The following SYNJ1 variants were observed in gnomAD, a reference collection of about 807,000 sequenced individuals.
The protein encoded by SYNJ1 is polyphosphatidylinositol phosphatase SYNJ1.
In SYNJ1, 78 loss-of-function variants were observed where a neutral mutation model predicts 168.2. The ratio of observed to expected loss-of-function variants is 0.46; its 90% CI spans 0.39 to 0.56. The LOEUF (loss-of-function observed/expected upper bound fraction) is 0.56, where lower values mean the gene tolerates loss of function less well. Ranked by LOEUF, SYNJ1 falls within the 20% of genes least tolerant of loss-of-function variation. The pLI, the probability that SYNJ1 is intolerant of heterozygous loss-of-function variation, is 0.00. For missense variants in SYNJ1, 1,303 were observed against 1,597.6 expected (o/e 0.82, Z 3.14); for synonymous variants, 539 against 548.6 (o/e 0.98, Z 0.24).
chr21:32,672,059 C>CAAAAAAAAAAAAAAAAAA (rs1160074724), intron 14 of SYNJ1, among the ~76,000 whole-genome samples: 80 of 24,570 alleles, frequency 3.3e-3, no homozygotes, highest in East Asian at 4.6e-3. Context: ...AACTCAATCT[C>CAAAAAAAAAAAAAAAAAA]AAAAAAAAAA....
At position 32,631,745 on chromosome 21, in the gene SYNJ1, T is replaced by G. The variant is rs1020861731; in HGVS notation, c.*60A>C. The G allele has an allele frequency of 5.6e-6, 9 of 1,614,084 alleles. No individual in the cohort carries two copies. Among genetic ancestry groups the G allele is most frequent in the Non-Finnish European group, 6.8e-6 (8 of 1,180,030 alleles). On this transcript the variant is annotated 3_prime_UTR_variant, in exon 33 of 33. Transcript: ENST00000674351. ...GCAGATTAAATGACAGATCTTCAAA[T>G]GGGTCAATCTTTAATGGTGATTCTC...
intron 2 of SYNJ1, among the ~76,000 whole-genome samples, chr21:32,721,959 G>A (rs1210519668): frequency 6.6e-6 from 1 of 151,832 alleles, no homozygotes; most frequent in African/African-American, 2.4e-5. Context: ...GCCAAGGCGG[G>A]CGGATCACCT....
chr21:32,657,162 G>A, intron 19 of SYNJ1, 42 bp from the exon 20 acceptor site: 1 of 1,348,504 alleles, frequency 7.4e-7, no homozygotes, highest in Middle Eastern at 1.8e-4. Context: ...AGCTGTATAA[G>A]CAGGACAGAT....
chr21:32,669,813 C>T (rs1213505852), intron 15 of SYNJ1, among the ~76,000 whole-genome samples: 3 of 152,102 alleles, frequency 2.0e-5, no homozygotes, highest in Non-Finnish European at 4.4e-5. Context: ...GATTTTTCTT[C>T]ATATACTTCA....
rs1183959203 is a variant in SYNJ1 at position 32,673,523 on chromosome 21, T to C, written c.1543A>G (p.Lys515Glu). Residue 515 changes from lysine to glutamate, a missense_variant, in exon 14 of 33, where the codon AAA becomes GAA. Lys to Glu is a moderately conservative substitution (Grantham distance 56). Around this residue, in one of 2 missense-constraint regions of SYNJ1, gnomAD observed 920 missense variants for 1,208.8 expected, o/e 0.76. Coordinates refer to ENST00000674351, the MANE Select transcript of SYNJ1 (RefSeq NM_203446.3). ...SEQTLQSASS[K>E]VLKSMCENFY... is the part of the protein sequence containing the mutation. The stretch of plus-strand genomic sequence containing the variant: ...TTCTCACACATGCTCTTTAGTACTT[T>C]AGAAGATGCTAATCAAGAGAAGACA... 3.7e-6 allele frequency: 6 copies of C among 1,602,900 alleles called. No individual in the cohort carries two copies. Among genetic ancestry groups the C allele is most frequent in the South Asian group, 3.4e-5 (3 of 89,036 alleles).
chr21:32,670,223 TTA>T (rs777754213), intron 15 of SYNJ1, 63 bp downstream of exon 15: 1 of 1,255,512 alleles, frequency 8.0e-7, no homozygotes, highest in Non-Finnish European at 1.1e-6. Context: ...AATTACTTAA[TTA>T]TCTGTCCTCC....
intron 22 of SYNJ1, 99 bp from the exon 23 acceptor site, chr21:32,650,445 A>T: frequency 1.1e-6 from 1 of 935,704 alleles, no homozygotes; most frequent in Non-Finnish European, 1.6e-6. Context: ...TGGTATAGAC[A>T]GTTAATTTAG....
At chr21:32,642,023 T>C (rs1326153054) in intron 28 of SYNJ1, 57 bp from the exon 29 acceptor site, 5 of 1,612,848 alleles carry the variant, frequency 3.1e-6, no homozygotes, top group Non-Finnish European at 4.2e-6. Context: ...CAAGAAACCA[T>C]GTACTTATAT....
At chr21:32,638,551 GC>G (rs1485163943) in intron 31 of SYNJ1, among the ~76,000 whole-genome samples, 1 of 152,064 alleles carries the variant, frequency 6.6e-6, no homozygotes, top group Non-Finnish European at 1.5e-5. Flanking sequence ...ATAAAAATTA[GC>G]CGGGCATGGT....
At chr21:32,675,705 G>C (rs2145999002) in intron 13 of SYNJ1, among the ~76,000 whole-genome samples, 1 of 152,264 alleles carries the variant, frequency 6.6e-6, no homozygotes, top group East Asian at 1.9e-4. Flanking sequence ...CTTGCCCAGA[G>C]AATGAAGACG....
rs2042807782 is a variant in SYNJ1, at chr21:32,710,924, T to C, written c.125-8877A>G. Among the ~76,000 whole-genome samples the C allele has an allele frequency of 2.0e-5, 3 of 152,268 alleles. No homozygotes were observed. The South Asian group carries it at 6.2e-4, about 32-fold the overall frequency. On this transcript the variant is annotated intron_variant, in intron 2 of 32. Coordinates refer to ENST00000674351, the MANE Select transcript of SYNJ1 (RefSeq NM_203446.3). ...CTTCCTAAATAATTTAGTTTTAATA[T>C]TCTAACTGTTGAAATGGAAACTATA...
At chr21:32,636,768 C>T (rs745592899) in intron 31 of SYNJ1, among the ~76,000 whole-genome samples, 1 of 152,074 alleles carries the variant, frequency 6.6e-6, no homozygotes, top group Non-Finnish European at 1.5e-5. Flanking sequence ...CTCACAATGA[C>T]ACTCTGCATG....
intron 6 of SYNJ1, among the ~76,000 whole-genome samples, chr21:32,689,874 T>C (rs755444280): frequency 6.6e-5 from 10 of 152,238 alleles, no homozygotes; most frequent in Non-Finnish European, 1.3e-4. Context: ...TACTTAATAA[T>C]ATTCATAAAA....
intron 12 of SYNJ1, among the ~76,000 whole-genome samples, chr21:32,676,584 G>A (rs1038875529): frequency 2.0e-5 from 3 of 152,136 alleles, no homozygotes; most frequent in South Asian, 2.1e-4. Context: ...GATATCCACC[G>A]TTTCACCATC....
intron 15 of SYNJ1, among the ~76,000 whole-genome samples, chr21:32,669,261 T>A (rs2041083024): frequency 1.3e-5 from 2 of 152,184 alleles, no homozygotes. Flanking sequence ...AGATTTAGGT[T>A]ATGTGGCATT....
chr21:32,652,019 T>C (rs1183442263), intron 22 of SYNJ1, among the ~76,000 whole-genome samples: 10 of 152,226 alleles, frequency 6.6e-5, no homozygotes, highest in Admixed American at 6.5e-4. Flanking sequence ...TATTTACATA[T>C]GTATATGCTA....
At chr21:32,686,001 C>G in intron 8 of SYNJ1, 84 bp from the exon 9 acceptor site, 2 of 1,399,566 alleles carry the variant, frequency 1.4e-6, no homozygotes, top group Non-Finnish European at 1.9e-6. Context: ...TTCATTGACA[C>G]TGGCAATAAA....
chr21:32,656,108 C>T (rs2040444796), intron 21 of SYNJ1, among the ~76,000 whole-genome samples: 1 of 152,136 alleles, frequency 6.6e-6, no homozygotes, highest in African/African-American at 2.4e-5. Context: ...TGAACTTGCA[C>T]CTATTTTTGT....
intron 31 of SYNJ1, among the ~76,000 whole-genome samples, chr21:32,637,307 C>A (rs181386010): frequency 1.3e-3 from 187 of 144,172 alleles, no homozygotes; most frequent in Non-Finnish European, 1.7e-3. Flanking sequence ...AAGAAAAATT[C>A]ACGATTCACT....
Sources: gnomAD v4.1 joint callset for allele counts (sites outside exome capture counted in the v4.1 genomes callset) on GRCh38, gnomAD v4.1.1 for gene constraint, gnomAD v4.1.1 regional missense constraint, MANE v1.5 for transcripts, NCBI Gene and HGNC (gene_info 2026-07-23, HGNC 2026-07-21) for gene names.